Variants in ROBO2 observed in about 807,000 individuals in gnomAD.
The protein encoded by ROBO2 is roundabout guidance receptor 2, also known as roundabout homolog 2.
ROBO2 carries 53 observed loss-of-function variants against 160.8 expected under a neutral mutation model. That is an observed-to-expected ratio of 0.33 (90% confidence interval 0.26 to 0.41). The LOEUF (loss-of-function observed/expected upper bound fraction) is 0.41. Ranked by LOEUF, ROBO2 falls within the 10% of genes least tolerant of loss-of-function variation. The probability of loss-of-function intolerance (pLI) is 1.00; values close to 1 mark genes in which losing one functional copy is unlikely to be tolerated. For missense variants in ROBO2, 1,577 were observed against 1,722.4 expected, an observed-to-expected ratio of 0.92 and a Z score of 1.49; for synonymous variants, 664 against 611.7, an observed-to-expected ratio of 1.09 and a Z score of -1.26.
At chr3:76,884,724 A>T (rs191247401) in intron 2 of ROBO2, among the ~76,000 whole-genome samples, 1 of 152,298 alleles carries the variant, frequency 6.6e-6, no homozygotes, top group Non-Finnish European at 1.5e-5. Flanking sequence ...CTATTAGATT[A>T]TATTTTAATC....
chr3:76,859,692 C>G (rs1387049606), intron 2 of ROBO2, among the ~76,000 whole-genome samples: 2 of 152,212 alleles, frequency 1.3e-5, no homozygotes, highest in Non-Finnish European at 2.9e-5. Context: ...GAAGCTTTCT[C>G]AGCCACAACC....
chr3:77,643,598 A>G (rs1273832286), intron 24 of ROBO2, among the ~76,000 whole-genome samples: 1 of 151,998 alleles, frequency 6.6e-6, no homozygotes, highest in Non-Finnish European at 1.5e-5. Flanking sequence ...GGAGGTGGGG[A>G]GCCTGCTTTA....
At chr3:75,977,375 G>A (rs569790409) in intron 2 of ROBO2, among the ~76,000 whole-genome samples, 6 of 151,542 alleles carry the variant, frequency 4.0e-5, no homozygotes, top group South Asian at 4.1e-4. Context: ...AATACTTGTC[G>A]GAAATATTTA....
At chr3:76,604,071 G>T (rs1180688116) in intron 2 of ROBO2, among the ~76,000 whole-genome samples, 2 of 152,130 alleles carry the variant, frequency 1.3e-5, no homozygotes. Flanking sequence ...TTGATTATAT[G>T]AGTAGATACT....
At chr3:76,768,958 A>C (rs2061726236) in intron 2 of ROBO2, among the ~76,000 whole-genome samples, 1 of 151,484 alleles carries the variant, frequency 6.6e-6, no homozygotes, top group African/African-American at 2.4e-5. Context: ...TTTTTAATTT[A>C]AATCTTAAGC....
At chr3:76,237,175 G>T (rs974866513) in intron 2 of ROBO2, among the ~76,000 whole-genome samples, 1 of 152,076 alleles carries the variant, frequency 6.6e-6, no homozygotes, top group African/African-American at 2.4e-5. Flanking sequence ...GCAAGTAAAT[G>T]AAATTTTCCA....
chr3:77,352,110 A>T (rs542213681), intron 2 of ROBO2, among the ~76,000 whole-genome samples: 1,146 of 52,868 alleles, frequency 0.022, 7 homozygotes, highest in Non-Finnish European at 0.04. Context: ...TAATAAAATT[A>T]AAAAAAAAAA....
chr3:77,141,474 C>T (rs765716521), intron 2 of ROBO2, among the ~76,000 whole-genome samples: 4 of 152,096 alleles, frequency 2.6e-5, no homozygotes, highest in East Asian at 3.9e-4. Context: ...CCATGATGCC[C>T]GTAAGAAGAG....
chr3:76,833,462 A>G (rs956072382), intron 2 of ROBO2, among the ~76,000 whole-genome samples: 3 of 152,186 alleles, frequency 2.0e-5, no homozygotes, highest in African/African-American at 7.2e-5. Flanking sequence ...ATTTTCAAGA[A>G]ATAAATTATT....
intron 2 of ROBO2, among the ~76,000 whole-genome samples, chr3:76,398,764 T>TCTATTAGTTTAGCATATG (rs2077636242): frequency 6.6e-6 from 1 of 151,934 alleles, no homozygotes; most frequent in African/African-American, 2.4e-5. Context: ...TTTAGTATAT[T>TCTATTAGTTTAGCATATG]CTATTAGTTT....
At chr3:76,399,874 C>G (rs564741757) in intron 2 of ROBO2, among the ~76,000 whole-genome samples, 2 of 151,562 alleles carry the variant, frequency 1.3e-5, no homozygotes, top group African/African-American at 4.8e-5. Context: ...TATTATAATA[C>G]CATATAGTAG....
chr3:76,249,544 C>T (rs917079488), intron 2 of ROBO2, among the ~76,000 whole-genome samples: 1 of 152,070 alleles, frequency 6.6e-6, no homozygotes, highest in African/African-American at 2.4e-5. Flanking sequence ...TCTTACTTTT[C>T]CCAGGCAAAA....
At chr3:76,141,914 G>A (rs572917675) in intron 2 of ROBO2, among the ~76,000 whole-genome samples, 1 of 152,084 alleles carries the variant, frequency 6.6e-6, no homozygotes, top group African/African-American at 2.4e-5. Flanking sequence ...CTCTAAAACT[G>A]TAACTATTCC....
chr3:76,042,115 T>C (rs1055102394), intron 2 of ROBO2, among the ~76,000 whole-genome samples: 1 of 151,762 alleles, frequency 6.6e-6, no homozygotes, highest in Non-Finnish European at 1.5e-5. Flanking sequence ...TTAAATATGG[T>C]CATTCTGCAT....
intron 9 of ROBO2, among the ~76,000 whole-genome samples, 187 bp downstream of exon 10, chr3:77,558,336 T>C (rs1343201974): frequency 6.6e-6 from 1 of 152,128 alleles, no homozygotes; most frequent in Non-Finnish European, 1.5e-5. Flanking sequence ...GTTTTTACGT[T>C]ACTCACACAT....
At chr3:76,421,304 C>T (rs566535736) in intron 2 of ROBO2, among the ~76,000 whole-genome samples, 10 of 152,318 alleles carry the variant, frequency 6.6e-5, no homozygotes, top group African/African-American at 1.9e-4. Context: ...ACTCATTCAA[C>T]TGCAATTGCT....
chr3:76,117,810 A>G (rs1014633790), intron 2 of ROBO2, among the ~76,000 whole-genome samples: 2 of 152,348 alleles, frequency 1.3e-5, no homozygotes, highest in Non-Finnish European at 1.5e-5. Flanking sequence ...ACTATCATAT[A>G]TGTTTTATAA....
intron 2 of ROBO2, among the ~76,000 whole-genome samples, chr3:76,817,827 CTTTT>C (rs78546104): frequency 1.5e-5 from 2 of 129,482 alleles, no homozygotes; most frequent in Non-Finnish European, 1.7e-5. Context: ...TATTTCATTC[CTTTT>C]TTTTTTTTTT....
intron 2 of ROBO2, among the ~76,000 whole-genome samples, chr3:76,389,350 G>T (rs1010364264): frequency 6.6e-6 from 1 of 152,146 alleles, no homozygotes; most frequent in Admixed American, 6.5e-5. Flanking sequence ...TTTCCACACA[G>T]CAAGAATACA....
Sources: allele counts gnomAD v4.1 joint callset (sites outside exome capture counted in the v4.1 genomes callset), GRCh38; gene constraint gnomAD v4.1.1; transcripts MANE v1.5; gene names NCBI Gene and HGNC (gene_info 2026-07-23, HGNC 2026-07-21).